The following CPA5 variants were observed in gnomAD, a reference collection of about 807,000 sequenced individuals.
The protein encoded by CPA5 is testicular tissue protein Li 32.
Under a neutral mutation model 52.2 loss-of-function variants are expected in CPA5, and 38 were observed. The observed-to-expected ratio is 0.73, with a 90% confidence interval of 0.56 to 0.95. The LOEUF is 0.95. CPA5 is among the 40% of genes least tolerant of loss of function. The pLI is 0.00. For synonymous variants in CPA5, 198 were observed against 213.7 expected (o/e 0.93, Z 0.64); for missense variants, 519 against 566.7 (o/e 0.92, Z 0.86).
Position 130,362,978 on chromosome 7 carries a change from C to CT in CPA5, c.735dup (p.Thr246TyrfsTer39), listed in dbSNP as rs781917167. 37 of 1,606,064 alleles carry CT rather than the reference C, an allele frequency of 2.3e-5. No individual in the cohort carries two copies. The highest frequency in any genetic ancestry group is 3.2e-5 in the Non-Finnish European group (37 of 1,172,818). On this transcript the variant is annotated frameshift_variant, in exon 9 of 13. Transcript: ENST00000474905. LOFTEE classifies it high-confidence loss of function. Reference sequence around the variant, plus strand: ...CTCGTCACAAACCCTGATGGGTTTGCTTTTACCCACAGCATGGTGAGGGAA... The same window carrying CT: ...CTCGTCACAAACCCTGATGGGTTTGCTTTTTACCCACAGCATGGTGAGGGAA...
chr7:130,350,792 C>T (rs1419073697), intron 5 of CPA5, among the ~76,000 whole-genome samples: 1 of 152,210 alleles, frequency 6.6e-6, no homozygotes, highest in Non-Finnish European at 1.5e-5. Context: ...AATTCTATTT[C>T]AATTGTTCTA....
chr7:130,367,616 A>G (rs1796171188), intron 11 of CPA5, 45 bp downstream of exon 11: 2 of 1,543,078 alleles, frequency 1.3e-6, no homozygotes, highest in Non-Finnish European at 1.8e-6. Context: ...ACCGCTTCAC[A>G]GGAAAATCCA....
intron 4 of CPA5, 122 bp downstream of exon 4, chr7:130,347,969 G>C: frequency 1.4e-6 from 1 of 692,776 alleles, no homozygotes; most frequent in Non-Finnish European, 2.4e-6. Context: ...AAAGAGCACA[G>C]ACCTGTGGGA....
Position 130,367,584 on chromosome 7 carries a change from G to A in CPA5, c.1038+13G>A. ...TCAGAGGGAGTTGGTGAGACTGGCTGCTTAGGGCCTGGGGAGAAGAGACCG... is the reference window on the plus strand; with the variant it reads ...TCAGAGGGAGTTGGTGAGACTGGCTACTTAGGGCCTGGGGAGAAGAGACCG... On this transcript the variant is annotated intron_variant, in intron 11 of 12. Coordinates refer to ENST00000474905, the MANE Select transcript of CPA5 (RefSeq NM_080385.5). 6.2e-7 allele frequency: 1 copy of A among 1,610,220 alleles called. No individual in the cohort carries two copies.
chr7:130,357,527 G>A (rs1310885259), intron 5 of CPA5, among the ~76,000 whole-genome samples: 6 of 151,880 alleles, frequency 4.0e-5, no homozygotes, highest in African/African-American at 1.5e-4. Context: ...GGAGGCAGAG[G>A]CAGGAGAATC....
intron 5 of CPA5, among the ~76,000 whole-genome samples, chr7:130,353,323 C>T (rs556305037): frequency 1.1e-4 from 16 of 152,282 alleles, no homozygotes; most frequent in African/African-American, 3.6e-4. Flanking sequence ...ACCCGATGGC[C>T]GACTCTCAAT....
downstream of CPA5, among the ~76,000 whole-genome samples, chr7:130,369,634 T>TGCGTGTGTG (rs2117482357): frequency 6.6e-6 from 1 of 152,138 alleles, no homozygotes; most frequent in African/African-American, 2.4e-5. Flanking sequence ...TTTGTGTGTG[T>TGCGTGTGTG]GCGTGTGTGT....
rs1796166634 is a variant in CPA5, at chr7:130,367,567, A to G, written c.1034A>G (p.Glu345Gly). The G allele has an allele frequency of 1.9e-6, 3 of 1,613,474 alleles. No individual in the cohort carries two copies. The highest frequency in any genetic ancestry group is 2.7e-5 in the African/African-American group (2 of 74,820). ...RLLEPVSNQR[E>G]LYDLAKDAVE... ...CTGGAGCCCGTTTCAAATCAGAGGG[A>G]GTTGGTGAGACTGGCTGCTTAGGGC... is the stretch of plus-strand genomic sequence containing the variant. Residue 345 changes from glutamate (E) to glycine (G), a missense_variant, in exon 11 of 13, where the codon GAG (glutamate) becomes GGG (glycine). By Grantham distance (98) the Glu-to-Gly change is moderately conservative. Coordinates refer to ENST00000474905, the MANE Select transcript of CPA5 (RefSeq NM_080385.5).
intron 3 of CPA5, among the ~76,000 whole-genome samples, chr7:130,346,987 G>A (rs765301818): frequency 1.3e-5 from 2 of 152,182 alleles, no homozygotes; most frequent in African/African-American, 2.4e-5. Flanking sequence ...ATGGATGTGG[G>A]TGTCGTTCTC....
intron 5 of CPA5, among the ~76,000 whole-genome samples, chr7:130,351,183 G>A (rs898023582): frequency 6.6e-6 from 1 of 152,158 alleles, no homozygotes; most frequent in Non-Finnish European, 1.5e-5. Context: ...ACGTGTGGGG[G>A]TGGGATATTT....
intron 5 of CPA5, among the ~76,000 whole-genome samples, chr7:130,357,933 TG>T (rs1156580542): frequency 6.8e-6 from 1 of 147,686 alleles, no homozygotes; most frequent in Non-Finnish European, 1.5e-5. Context: ...TATCTGTGTA[TG>T]TGTGTGTTTT....
At chr7:130,356,972 T>C (rs1311904976) in intron 5 of CPA5, among the ~76,000 whole-genome samples, 1 of 152,166 alleles carries the variant, frequency 6.6e-6, no homozygotes, top group Non-Finnish European at 1.5e-5. Context: ...TGGGTCAGCT[T>C]CCTGGGAAGA....
At position 130,362,427 on chromosome 7, in the gene CPA5, C is replaced by T. The variant is rs200296598; in HGVS notation, c.535-11C>T. On this transcript the variant is annotated splice_polypyrimidine_tract_variant and intron_variant, in intron 7 of 12. Transcript: ENST00000474905. The stretch of plus-strand genomic sequence containing the variant: ...TCAAACCTCGGTTTGGGGCCCGATT[C>T]TTTTTCTCAGTTCAGCACTGGAGGT... 16 of 1,603,808 alleles carry T rather than the reference C, an allele frequency of 1.0e-5. No homozygotes were observed. In the East Asian group the frequency reaches 3.4e-4, roughly 34 times the overall value.
intron 12 of CPA5, among the ~76,000 whole-genome samples, 193 bp downstream of exon 12, chr7:130,368,183 G>T (rs1363983135): frequency 1.3e-5 from 2 of 152,252 alleles, no homozygotes; most frequent in African/African-American, 2.4e-5. Context: ...TTACTGCAAG[G>T]TTCCTAAGCC....
intron 5 of CPA5, among the ~76,000 whole-genome samples, chr7:130,355,670 A>G (rs1795437472): frequency 6.6e-6 from 1 of 152,216 alleles, no homozygotes. Context: ...TGGCATCCCA[A>G]AGTGCTGGGA....
chr7:130,349,134 C>T (rs1794966896), intron 4 of CPA5, among the ~76,000 whole-genome samples: 1 of 152,092 alleles, frequency 6.6e-6, no homozygotes, highest in Admixed American at 6.5e-5. Context: ...TTTAACTGTG[C>T]CTAATTTATA....
At chr7:130,355,347 G>A (rs1795415293) in intron 5 of CPA5, among the ~76,000 whole-genome samples, 2 of 152,158 alleles carry the variant, frequency 1.3e-5, no homozygotes, top group African/African-American at 4.8e-5. Flanking sequence ...CCTGGCAAAA[G>A]TCTAAGCATT....
rs1796238126 is a variant in CPA5 at position 130,368,694 on chromosome 7, C to T, written c.*97C>T. 6.4e-6 allele frequency: 8 copies of T among 1,254,198 alleles called. No homozygotes were observed. 77.7% of individuals were successfully genotyped at this position (1,254,198 alleles called of 1,614,324 possible). A position where few individuals can be genotyped will look rare whatever the true frequency, so the allele number is the denominator to read the frequency against. Reference sequence around the variant, plus strand: ...GCATCCCCATCCCCATGCCCTCATCCCGACCTCTTAGAAAATAAATACAAG... The same window carrying T: ...GCATCCCCATCCCCATGCCCTCATCTCGACCTCTTAGAAAATAAATACAAG... On this transcript the variant is annotated 3_prime_UTR_variant, in exon 13 of 13. Transcript: ENST00000474905.
chr7:130,362,489 C>G lies in CPA5; in HGVS notation c.586C>G (p.His196Asp). ...HPAIWIDTGI[H>D]SREWITHATG... ...AGCCATCTGGATTGACACTGGAATT[C>G]ACTCCCGGGAGTGGATCACCCATGC... is the stretch of plus-strand genomic sequence containing the variant. The change falls in exon 8 of 13, where the codon CAC becomes GAC. Residue 196 changes from histidine to aspartate, a missense_variant. Transcript: ENST00000474905. The G allele has an allele frequency of 6.2e-7, 1 of 1,613,760 alleles. No homozygotes were observed. The highest frequency in any genetic ancestry group is 8.5e-7 in the Non-Finnish European group (1 of 1,179,748).
Sources: allele counts gnomAD v4.1 joint callset (sites outside exome capture counted in the v4.1 genomes callset), GRCh38; gene constraint gnomAD v4.1.1; transcripts MANE v1.5; gene names NCBI Gene and HGNC (gene_info 2026-07-23, HGNC 2026-07-21).